ZNF839: variants seen among roughly 807,000 people sequenced by gnomAD.
ZNF839 encodes renal carcinoma antigen NY-REN-50.
Under a neutral mutation model 56.4 loss-of-function variants are expected in ZNF839, and 38 were observed. The ratio of observed to expected loss-of-function variants is 0.67; its 90% CI spans 0.52 to 0.88. ZNF839 has a LOEUF of 0.88. Ranked by LOEUF, ZNF839 falls within the 40% of genes least tolerant of loss-of-function variation. The pLI is 0.00. For synonymous variants in ZNF839, 486 were observed against 493.5 expected (o/e 0.98, Z 0.20); for missense variants, 1,091 against 1,177.6 (o/e 0.93, Z 1.08).
intron 1 of ZNF839, among the ~76,000 whole-genome samples, chr14:102,322,307 C>A (rs1244935037): frequency 1.3e-5 from 2 of 152,180 alleles, no homozygotes; most frequent in Non-Finnish European, 2.9e-5. Context: ...CCCAGGAGAT[C>A]CGATTCAGCA....
Position 102,326,763 on chromosome 14 carries a change from T to G in ZNF839, c.1067T>G (p.Leu356Arg), listed in dbSNP as rs1299371585. ...TCTGAGAAAGCCAGTGGAAGCACCC[T>G]CCGGGGGTGCACGGAGGAAAGGACG... ...VLSEKASGST[L>R]RGCTEERTLS... Residue 356 changes from leucine (L) to arginine (R), a missense_variant, in exon 2 of 8, where the codon CTC becomes CGC. This residue lies in a region of ZNF839 where 614 missense variants were observed against 629.2 expected (regional missense o/e 0.98). Transcript: ENST00000442396. This position sits in a 1 kb window ranked among gnomAD's most constrained non-coding sequence, Gnocchi z 4.3. 6.2e-7 allele frequency: 1 copy of G among 1,612,936 alleles called. No homozygotes were observed. Among genetic ancestry groups the G allele is most frequent in the Admixed American group, 1.7e-5 (1 of 59,832 alleles).
At chr14:102,335,658 A>C in intron 4 of ZNF839, 31 bp from the exon 5 acceptor site, 1 of 1,561,382 alleles carries the variant, frequency 6.4e-7, no homozygotes, top group Non-Finnish European at 8.6e-7. Context: ...CTTGAGTTTA[A>C]ACTTTTTTTT....
At chr14:102,323,915 G>A (rs1366904827) in intron 1 of ZNF839, among the ~76,000 whole-genome samples, 1 of 152,176 alleles carries the variant, frequency 6.6e-6, no homozygotes, top group East Asian at 1.9e-4. Context: ...TAAAATTCAC[G>A]AAGCAAAATG....
Position 102,341,515 on chromosome 14 carries a change from C to A in ZNF839, c.2120C>A (p.Ala707Asp). Residue 707 changes from alanine (A) to aspartate (D), a missense_variant, in exon 8 of 8, where the codon GCT becomes GAT. Transcript: ENST00000442396. ...GATGTCAGTGGGCTGCCTGTTTATGCTCAGTCAGGAGAGCCTAGGAGGCTG... is the reference window on the plus strand; with the variant it reads ...GATGTCAGTGGGCTGCCTGTTTATGATCAGTCAGGAGAGCCTAGGAGGCTG... Reference protein sequence around the residue: ...SRDVSGLPVYAQSGEPRRLTQ... With the variant: ...SRDVSGLPVYDQSGEPRRLTQ... 1.2e-6 allele frequency: 2 copies of A among 1,603,608 alleles called. No homozygotes were observed. Among genetic ancestry groups the A allele is most frequent in the Non-Finnish European group, 8.5e-7 (1 of 1,173,868 alleles).
chr14:102,334,256 C>A (rs753216262), intron 3 of ZNF839, among the ~76,000 whole-genome samples: 4 of 152,232 alleles, frequency 2.6e-5, no homozygotes, highest in Non-Finnish European at 4.4e-5. Flanking sequence ...GAGTATGCGG[C>A]GCAGCCTGGG....
rs189796569 is a variant in ZNF839 at position 102,332,219 on chromosome 14, C to T, written c.1416+373C>T. ...GCCATCCCGGCTCACTGTGCTTCTC[C>T]ACCTCCCAGGTTCAAGCGATTCTCC... On this transcript the variant is annotated intron_variant, in intron 3 of 7. Transcript: ENST00000442396. This position sits in a 1 kb window ranked among gnomAD's most constrained non-coding sequence, Gnocchi z 4.9. Among the ~76,000 whole-genome samples, 1 of 152,216 alleles carries T rather than the reference C, an allele frequency of 6.6e-6. No homozygotes were observed. Among genetic ancestry groups the T allele is most frequent in the East Asian group, 1.9e-4 (1 of 5,134 alleles).
chr14:102,341,315 A>G lies in ZNF839; in HGVS notation c.1928-8A>G. The G allele has an allele frequency of 6.6e-7, 1 of 1,514,626 alleles. No individual in the cohort carries two copies. Among genetic ancestry groups the G allele is most frequent in the Non-Finnish European group, 8.8e-7 (1 of 1,131,892 alleles). The allele number at this position is 1,514,626 out of a possible 1,614,324, so 93.8% of individuals were successfully genotyped here. On this transcript the variant is annotated splice_polypyrimidine_tract_variant and splice_region_variant and intron_variant, in intron 7 of 7. Coordinates refer to ENST00000442396, the MANE Select transcript of ZNF839 (RefSeq NM_018335.6). Reference sequence around the variant, plus strand: ...ACGCCATGTTCACCTGTTTCCCAAAATGTTTAGGTTTTTCCCCTCCAGTAA... The same window carrying G: ...ACGCCATGTTCACCTGTTTCCCAAAGTGTTTAGGTTTTTCCCCTCCAGTAA...
At position 102,332,376 on chromosome 14, in the gene ZNF839, A is replaced by C. The variant is rs1597724700; in HGVS notation, c.1416+530A>C. 6.6e-6 allele frequency among the ~76,000 whole-genome samples: 1 copy of C among 151,746 alleles called. No homozygotes were observed. The highest frequency in any genetic ancestry group is 1.5e-5 in the Non-Finnish European group (1 of 67,942). ...TCTCAAACTCCCGACCTCGTGATCC[A>C]CCCGCCTTGGCTTCCCAAAGTGTTG... On this transcript the variant is annotated intron_variant, in intron 3 of 7. Coordinates refer to ENST00000442396, the MANE Select transcript of ZNF839 (RefSeq NM_018335.6). The surrounding 1 kb of genome is among the most constrained non-coding windows in gnomAD (Gnocchi z 4.9).
At chr14:102,328,148 A>G (rs2073520827) in intron 2 of ZNF839, among the ~76,000 whole-genome samples, 1 of 151,638 alleles carries the variant, frequency 6.6e-6, no homozygotes, top group Admixed American at 6.6e-5. Context: ...TCAGGTGACG[A>G]GTTCGAGACC....
chr14:102,328,738 T>C (rs954155943), intron 2 of ZNF839, among the ~76,000 whole-genome samples: 3 of 152,104 alleles, frequency 2.0e-5, no homozygotes, highest in Admixed American at 2.0e-4. Context: ...CACAGGGTAT[T>C]TGTCTTTCTG....
rs761136954 is a variant in ZNF839, at chr14:102,319,920, A to AGCC, written c.171_173dup (p.Pro59dup). On this transcript the variant is annotated inframe_insertion, in exon 1 of 8. Coordinates refer to ENST00000442396, the MANE Select transcript of ZNF839 (RefSeq NM_018335.6). This position sits in a 1 kb window ranked among gnomAD's most constrained non-coding sequence, Gnocchi z 4.5. ...GTCCTGGAGCAGGTGACGAAGGCGCAGCCGCCGCCGCCGCCGCCCCCCTTC... is the reference window on the plus strand; with the variant it reads ...GTCCTGGAGCAGGTGACGAAGGCGCAGCCGCCGCCGCCGCCGCCGCCCCCCTTC... The AGCC allele has an allele frequency of 3.9e-4, 433 of 1,122,360 alleles. 2 individuals are homozygous for AGCC. Among genetic ancestry groups the AGCC allele is most frequent in the East Asian group, 9.3e-4 (16 of 17,158 alleles). 69.5% of individuals were successfully genotyped at this position (1,122,360 alleles called of 1,614,324 possible).
chr14:102,325,905 G>T, intron 1 of ZNF839, 80 bp from the exon 2 acceptor site: 1 of 1,463,442 alleles, frequency 6.8e-7, no homozygotes, highest in Admixed American at 2.1e-5. Context: ...GTCAATAATG[G>T]TTTTATGACG....
intron 5 of ZNF839, chr14:102,337,582 G>A (rs990220478): frequency 1.3e-5 from 2 of 152,212 alleles, no homozygotes; most frequent in African/African-American, 4.8e-5. Flanking sequence ...TTTAGCAAGT[G>A]TGGGTATCAT....
intron 1 of ZNF839, among the ~76,000 whole-genome samples, chr14:102,325,731 G>A (rs983631573): frequency 1.3e-5 from 2 of 152,098 alleles, no homozygotes; most frequent in African/African-American, 4.8e-5. Flanking sequence ...CTGACCTCAA[G>A]TAATCGGCCT....
chr14:102,340,782 A>G lies in ZNF839; in HGVS notation c.1928-541A>G, dbSNP rs530563693. Among the ~76,000 whole-genome samples the G allele has an allele frequency of 2.0e-5, 3 of 152,202 alleles. No individual in the cohort carries two copies. In the East Asian group the frequency reaches 5.8e-4, roughly 29 times the overall value. On this transcript the variant is annotated intron_variant, in intron 7 of 7. Coordinates refer to ENST00000442396, the MANE Select transcript of ZNF839 (RefSeq NM_018335.6). The stretch of plus-strand genomic sequence containing the variant: ...ATCATTCATTCAGTATTGGCATAAA[A>G]TCACTGTTGCTGGGTGTGGTGGCTC...
Position 102,326,099 on chromosome 14 carries a change from C to T in ZNF839, c.403C>T (p.Arg135Trp), listed in dbSNP as rs1567285195. The change falls in exon 2 of 8, where the codon CGG becomes TGG. Residue 135 changes from arginine to tryptophan, a missense_variant. Coordinates refer to ENST00000442396, the MANE Select transcript of ZNF839 (RefSeq NM_018335.6). This position sits in a 1 kb window ranked among gnomAD's most constrained non-coding sequence, Gnocchi z 4.3. The part of the protein sequence containing the change: ...PQTARKSQLP[R>W]GNSCLVGLHI... ...AACTGCAAGAAAGAGCCAGCTGCCC[C>T]GGGGGAATTCCTGCCTGGTGGGGCT... is the stretch of plus-strand genomic sequence containing the variant. 11 of 1,613,928 alleles carry T rather than the reference C, an allele frequency of 6.8e-6. No individual in the cohort carries two copies. Among genetic ancestry groups the T allele is most frequent in the South Asian group, 6.6e-5 (6 of 91,074 alleles).
At chr14:102,320,939 G>C (rs2073095804) in intron 1 of ZNF839, among the ~76,000 whole-genome samples, 1 of 152,202 alleles carries the variant, frequency 6.6e-6, no homozygotes. Context: ...CCCCAAAATT[G>C]CCAAAAGAAG....
Position 102,341,375 on chromosome 14 carries a change from TACA to T in ZNF839, c.1983_1985del (p.Thr663del). 1.8e-5 allele frequency: 28 copies of T among 1,543,772 alleles called. No homozygotes were observed. Among genetic ancestry groups the T allele is most frequent in the Non-Finnish European group, 2.4e-5 (28 of 1,148,586 alleles). ...TCTCTCCCCGTTCTGAAGAAAGCCA[TACA>T]ACGACGGTTTCTGGTGGCAATGGGA... On this transcript the variant is annotated inframe_deletion, in exon 8 of 8. Transcript: ENST00000442396.
chr14:102,319,960 G>C lies in ZNF839; in HGVS notation c.195G>C (p.Ala65=). Residue 65 remains alanine, a synonymous_variant, in exon 1 of 8, where the codon GCG becomes GCC. Coordinates refer to ENST00000442396, the MANE Select transcript of ZNF839 (RefSeq NM_018335.6). This position sits in a 1 kb window ranked among gnomAD's most constrained non-coding sequence, Gnocchi z 4.5. Reference sequence around the variant, plus strand: ...CGCCCCCCTTCGTGCTGCGGGACGCGGCGCGGCGGCTGCGGGACGCGGCCC... The same window carrying C: ...CGCCCCCCTTCGTGCTGCGGGACGCCGCGCGGCGGCTGCGGGACGCGGCCC... The part of the protein sequence containing the change: ...PPPPPFVLRD[A]ARRLRDAAQQ... The C allele has an allele frequency of 8.6e-7, 1 of 1,160,650 alleles. No individual in the cohort carries two copies. Among genetic ancestry groups the C allele is most frequent in the Non-Finnish European group, 1.1e-6 (1 of 946,088 alleles). 71.9% of individuals were successfully genotyped at this position (1,160,650 alleles called of 1,614,324 possible).
Sources: allele counts gnomAD v4.1 joint callset (sites outside exome capture counted in the v4.1 genomes callset), GRCh38; gene constraint gnomAD v4.1.1; regional missense constraint gnomAD v4.1.1; non-coding constraint Gnocchi (gnomAD v3.1); transcripts MANE v1.5; gene names NCBI Gene and HGNC (gene_info 2026-07-23, HGNC 2026-07-21).